The following KCNMA1 variants were observed in gnomAD, a reference collection of about 807,000 sequenced individuals.
KCNMA1 encodes the protein Calcium-activated potassium channel subunit alpha-1.
KCNMA1 carries 29 observed loss-of-function variants against 140.0 expected under a neutral mutation model. The ratio of observed to expected loss-of-function variants is 0.21; its 90% CI spans 0.15 to 0.28. KCNMA1 has a LOEUF of 0.28. KCNMA1 is among the 10% of genes least tolerant of loss of function. The pLI, the probability that KCNMA1 is intolerant of heterozygous loss-of-function variation, is 1.00. For synonymous variants in KCNMA1, 612 were observed against 611.9 expected (o/e 1.00, Z 0.00); for missense variants, 880 against 1,602.2 (o/e 0.55, Z 7.70).
rs141079915 is a variant in KCNMA1 at position 77,515,254 on chromosome 10, T to C, written c.379-111231A>G. Among the ~76,000 whole-genome samples, 1,484 of 152,016 alleles carry C rather than the reference T, an allele frequency of 9.8e-3. 11 individuals are homozygous for C. The highest frequency in any genetic ancestry group is 0.02 in the Middle Eastern group (6 of 294). ...CGTGCAATGGCTCTGCCCAAACCAATCATCACCATGAGGGGACACAGGCAC... is the reference window on the plus strand; with the variant it reads ...CGTGCAATGGCTCTGCCCAAACCAACCATCACCATGAGGGGACACAGGCAC... On this transcript the variant is annotated intron_variant, in intron 1 of 27. Coordinates refer to ENST00000286628, the MANE Select transcript of KCNMA1 (RefSeq NM_001161352.2).
At chr10:77,510,001 T>G (rs540662183) in intron 1 of KCNMA1, among the ~76,000 whole-genome samples, 21 of 152,038 alleles carry the variant, frequency 1.4e-4, no homozygotes, top group Non-Finnish European at 2.5e-4. Flanking sequence ...CCACTGCTGC[T>G]GCTTGGAGGC....
chr10:77,065,163 T>C (rs894657716), intron 14 of KCNMA1, among the ~76,000 whole-genome samples: 1 of 152,148 alleles, frequency 6.6e-6, no homozygotes, highest in African/African-American at 2.4e-5. Context: ...CAGGCGCTGT[T>C]CTAGGCACTG....
chr10:76,973,839 A>G (rs2076765984), intron 19 of KCNMA1, among the ~76,000 whole-genome samples: 1 of 149,126 alleles, frequency 6.7e-6, no homozygotes. Flanking sequence ...AAGCCTCTTT[A>G]TGGTCCTTGG....
chr10:77,246,142 A>C (rs891743591), intron 3 of KCNMA1, among the ~76,000 whole-genome samples: 2 of 152,234 alleles, frequency 1.3e-5, no homozygotes, highest in African/African-American at 4.8e-5. Context: ...ACATCTCATT[A>C]AACCCCATCA....
At chr10:77,342,293 G>A (rs1353943635) in intron 2 of KCNMA1, among the ~76,000 whole-genome samples, 1 of 152,178 alleles carries the variant, frequency 6.6e-6, no homozygotes, top group African/African-American at 2.4e-5. Flanking sequence ...TTTATTATAT[G>A]CCAGGCACAT....
intron 5 of KCNMA1, among the ~76,000 whole-genome samples, chr10:77,180,589 A>G (rs2098795339): frequency 6.6e-6 from 1 of 152,070 alleles, no homozygotes; most frequent in Non-Finnish European, 1.5e-5. Flanking sequence ...TCCTAACCAT[A>G]CCGTATCATT....
At chr10:77,564,290 T>C (rs1214072436) in intron 1 of KCNMA1, among the ~76,000 whole-genome samples, 1 of 152,142 alleles carries the variant, frequency 6.6e-6, no homozygotes. Context: ...GGTGATTTCA[T>C]GGCCAGGCAT....
intron 2 of KCNMA1, among the ~76,000 whole-genome samples, chr10:77,314,525 G>A (rs1256181590): frequency 6.6e-6 from 1 of 152,174 alleles, no homozygotes; most frequent in Non-Finnish European, 1.5e-5. Context: ...TTGGAGAAGA[G>A]CAGGAATAGT....
chr10:77,002,128 G>A (rs190691084), intron 18 of KCNMA1, among the ~76,000 whole-genome samples: 2 of 152,266 alleles, frequency 1.3e-5, no homozygotes, highest in Admixed American at 6.5e-5. Flanking sequence ...AAACGATTAC[G>A]TGTTAATACA....
chr10:76,949,468 C>A, intron 21 of KCNMA1, 102 bp from the exon 22 acceptor site: 2 of 952,804 alleles, frequency 2.1e-6, no homozygotes, highest in Non-Finnish European at 3.3e-6. Context: ...CAAATATTTG[C>A]TGAGAGCTTA....
chr10:76,915,172 A>G lies in KCNMA1; in HGVS notation c.2903-123T>C. On this transcript the variant is annotated intron_variant, in intron 23 of 27. Coordinates refer to ENST00000286628, the MANE Select transcript of KCNMA1 (RefSeq NM_001161352.2). Reference sequence around the variant, plus strand: ...CTTATGCATTATTCACAGGTCAACAATTAGTATTCCCGGGATAAACTCTGA... The same window carrying G: ...CTTATGCATTATTCACAGGTCAACAGTTAGTATTCCCGGGATAAACTCTGA... The G allele has an allele frequency of 1.0e-5, 7 of 697,442 alleles. No individual in the cohort carries two copies. The South Asian group carries it at 1.0e-4, about 10-fold the overall frequency. The allele number at this position is 697,442 out of a possible 1,614,324, so 43.2% of individuals were successfully genotyped here.
At chr10:77,138,368 C>A (rs989563989) in intron 5 of KCNMA1, among the ~76,000 whole-genome samples, 6 of 152,184 alleles carry the variant, frequency 3.9e-5, no homozygotes, top group African/African-American at 1.4e-4. Flanking sequence ...AAATGATCCT[C>A]TCACCTCAGC....
chr10:77,100,380 G>A (rs569096985), intron 9 of KCNMA1, among the ~76,000 whole-genome samples: 85 of 152,174 alleles, frequency 5.6e-4, no homozygotes, highest in Non-Finnish European at 7.1e-4. Context: ...TACAAGGAGG[G>A]GAGATAGATT....
intron 3 of KCNMA1, among the ~76,000 whole-genome samples, chr10:77,222,559 C>T (rs73282115): frequency 0.02 from 2,983 of 152,282 alleles, 100 homozygotes; most frequent in African/African-American, 0.068. Context: ...CAGTTCGCTG[C>T]TCTGGGGTAA....
intron 1 of KCNMA1, among the ~76,000 whole-genome samples, chr10:77,529,455 G>T (rs984650910): frequency 1.3e-5 from 2 of 151,840 alleles, no homozygotes; most frequent in Non-Finnish European, 2.9e-5. Context: ...CTCACTCCCC[G>T]GCACCTACCC....
intron 25 of KCNMA1, 116 bp downstream of exon 25, chr10:76,909,850 C>T: frequency 9.4e-7 from 1 of 1,068,272 alleles, no homozygotes; most frequent in Non-Finnish European, 1.4e-6. Context: ...GTGTGAGCTT[C>T]TAGGAGTCTT....
At chr10:77,544,003 A>G (rs748235881) in intron 1 of KCNMA1, among the ~76,000 whole-genome samples, 3 of 152,174 alleles carry the variant, frequency 2.0e-5, no homozygotes, top group Non-Finnish European at 4.4e-5. Context: ...ATTTTTCCAG[A>G]ACTCAGAACT....
intron 5 of KCNMA1, among the ~76,000 whole-genome samples, chr10:77,124,112 A>C (rs1427820533): frequency 1.3e-5 from 2 of 152,378 alleles, no homozygotes; most frequent in Middle Eastern, 3.4e-3. Context: ...ACTCCTGTAG[A>C]AATACATGCT....
At chr10:77,157,081 C>T (rs1390370988) in intron 5 of KCNMA1, among the ~76,000 whole-genome samples, 2 of 152,308 alleles carry the variant, frequency 1.3e-5, no homozygotes, top group East Asian at 3.9e-4. Flanking sequence ...TTTGTCTGTG[C>T]AGCAGACAGG....
Sources: allele counts gnomAD v4.1 joint callset (sites outside exome capture counted in the v4.1 genomes callset), GRCh38; gene constraint gnomAD v4.1.1; transcripts MANE v1.5; gene names NCBI Gene and HGNC (gene_info 2026-07-23, HGNC 2026-07-21).